MAN1A2: variants seen among roughly 807,000 people sequenced by gnomAD.
MAN1A2 encodes the protein mannosidase alpha class 1A member 2.
In MAN1A2, 26 loss-of-function variants were observed where a neutral mutation model predicts 75.7. The ratio of observed to expected loss-of-function variants is 0.34; its 90% CI spans 0.25 to 0.48. The LOEUF is 0.48. Among genes scored for constraint, MAN1A2 ranks in the 20% least tolerant of loss-of-function variants. The pLI is 0.99. For missense variants in MAN1A2, 562 were observed against 775.5 expected (o/e 0.72, Z 3.27); for synonymous variants, 247 against 264.6 (o/e 0.93, Z 0.65).
At chr1:117,406,453 T>A (rs1379348600) in intron 3 of MAN1A2, among the ~76,000 whole-genome samples, 1 of 152,116 alleles carries the variant, frequency 6.6e-6, no homozygotes, top group Non-Finnish European at 1.5e-5. Flanking sequence ...ACCATCACAG[T>A]AATTCAAATA....
At chr1:117,487,254 G>A (rs1290540) in intron 8 of MAN1A2, among the ~76,000 whole-genome samples, 21,498 of 151,962 alleles carry the variant, frequency 0.14, 1,742 homozygotes, top group South Asian at 0.22. Flanking sequence ...ACTTAGGACT[G>A]AAGAAGCAAT....
At chr1:117,401,830 T>C (rs532215823) in intron 1 of MAN1A2, among the ~76,000 whole-genome samples, 25 of 152,172 alleles carry the variant, frequency 1.6e-4, no homozygotes, top group Non-Finnish European at 2.9e-4. Context: ...TTTGGCCTTA[T>C]GTTTATATTT....
At chr1:117,475,201 C>A (rs1426253610) in intron 8 of MAN1A2, among the ~76,000 whole-genome samples, 6 of 151,858 alleles carry the variant, frequency 4.0e-5, no homozygotes, top group African/African-American at 1.4e-4. Context: ...CTGCTTTTAT[C>A]AAATAGTAGA....
intron 6 of MAN1A2, among the ~76,000 whole-genome samples, chr1:117,459,355 A>G (rs997680373): frequency 6.6e-6 from 1 of 152,204 alleles, no homozygotes; most frequent in Non-Finnish European, 1.5e-5. Flanking sequence ...CCCAGCAGAA[A>G]ATAGCAGAAG....
rs1207017034 is a variant in MAN1A2 at position 117,526,775 on chromosome 1, TAA to T, written c.*3819_*3820del. 2 of 149,324 alleles carry T rather than the reference TAA, an allele frequency of 1.3e-5. No homozygotes were observed. The highest frequency in any genetic ancestry group is 4.9e-5 in the African/African-American group (2 of 40,916). The allele number at this position is 149,324 out of a possible 1,614,324, so 9.2% of individuals were successfully genotyped here. On this transcript the variant is annotated 3_prime_UTR_variant, in exon 13 of 13. Coordinates refer to ENST00000356554, the MANE Select transcript of MAN1A2 (RefSeq NM_006699.5). ...CAAAGTTCCAAATAACAGTTCCTAG[TAA>T]TAGTATTTTGAGTTATTTTTCTTTA...
intron 3 of MAN1A2, among the ~76,000 whole-genome samples, chr1:117,411,414 C>G (rs920831969): frequency 8.6e-5 from 13 of 151,836 alleles, no homozygotes; most frequent in East Asian, 1.9e-4. Context: ...CTTCCTTCAA[C>G]ATTGTATAGA....
intron 12 of MAN1A2, among the ~76,000 whole-genome samples, chr1:117,514,090 C>CAGTG (rs1651630020): frequency 6.6e-6 from 1 of 152,110 alleles, no homozygotes; most frequent in Non-Finnish European, 1.5e-5. Context: ...AGGCTGGGCA[C>CAGTG]AGTGGCTCAT....
intron 5 of MAN1A2, among the ~76,000 whole-genome samples, chr1:117,430,145 A>C (rs1388002871): frequency 3.7e-5 from 3 of 80,300 alleles, no homozygotes; most frequent in Non-Finnish European, 7.4e-5. Context: ...CTCACTTCCC[A>C]GTAGGGGTGG....
rs759200994 is a variant in MAN1A2 at position 117,502,883 on chromosome 1, G to A, written c.1706G>A (p.Gly569Asp). 6.2e-7 allele frequency: 1 copy of A among 1,605,582 alleles called. No individual in the cohort carries two copies. The highest frequency in any genetic ancestry group is 8.5e-7 in the Non-Finnish European group (1 of 1,174,190). ...ATTGAAAAGTATTGCCGAGTTAATG[G>A]TGGGTTTTCTGGAGTCAAAGATGTA... ...LAIEKYCRVN[G>D]GFSGVKDVYS... is the part of the protein sequence containing the mutation. The change falls in exon 12 of 13, where the codon GGT (glycine) becomes GAT (aspartate). Residue 569 changes from glycine to aspartate, a missense_variant. By Grantham distance (94) the Gly-to-Asp change is moderately conservative. Around this residue, in one of 2 missense-constraint regions of MAN1A2, gnomAD observed 434 missense variants for 645.7 expected, o/e 0.67. Coordinates refer to ENST00000356554, the MANE Select transcript of MAN1A2 (RefSeq NM_006699.5).
chr1:117,460,460 G>A, intron 6 of MAN1A2, 29 bp from the exon 7 acceptor site: 1 of 1,565,108 alleles, frequency 6.4e-7, no homozygotes, highest in South Asian at 1.2e-5. Flanking sequence ...CCAATCCTGT[G>A]TCTCCTTTTA....
chr1:117,501,346 G>A (rs974496413), intron 11 of MAN1A2, among the ~76,000 whole-genome samples: 1 of 151,798 alleles, frequency 6.6e-6, no homozygotes, highest in Non-Finnish European at 1.5e-5. Flanking sequence ...GGAGGCAAAA[G>A]AGGCGGTGTC....
At chr1:117,401,966 T>A (rs1647443187) in intron 1 of MAN1A2, among the ~76,000 whole-genome samples, 1 of 152,188 alleles carries the variant, frequency 6.6e-6, no homozygotes, top group South Asian at 2.1e-4. Flanking sequence ...CTGGAAATTG[T>A]ATAAAGAGAT....
At chr1:117,395,696 T>C (rs1322590531) in intron 1 of MAN1A2, among the ~76,000 whole-genome samples, 1 of 152,196 alleles carries the variant, frequency 6.6e-6, no homozygotes, top group Non-Finnish European at 1.5e-5. Flanking sequence ...ACTTCAAATC[T>C]CATGAGAACT....
At chr1:117,416,081 G>A (rs1024037302) in intron 4 of MAN1A2, among the ~76,000 whole-genome samples, 4 of 151,934 alleles carry the variant, frequency 2.6e-5, no homozygotes, top group Admixed American at 2.6e-4. Flanking sequence ...AGGTTTTAAA[G>A]TTTTGCTTTT....
At chr1:117,504,876 C>T (rs1379168531) in intron 12 of MAN1A2, among the ~76,000 whole-genome samples, 2 of 151,440 alleles carry the variant, frequency 1.3e-5, no homozygotes, top group Non-Finnish European at 3.0e-5. Context: ...ACATTTTCAG[C>T]ATGAACATTA....
intron 8 of MAN1A2, among the ~76,000 whole-genome samples, chr1:117,487,984 T>C (rs536647185): frequency 6.6e-6 from 1 of 152,208 alleles, no homozygotes; most frequent in South Asian, 2.1e-4. Context: ...AATGTAAGTA[T>C]GATGAGTATG....
chr1:117,491,196 T>C (rs1035953760), intron 8 of MAN1A2, among the ~76,000 whole-genome samples: 1 of 152,110 alleles, frequency 6.6e-6, no homozygotes. Context: ...AGGTTTCTAC[T>C]GGAAGAAGAT....
At chr1:117,498,910 C>T (rs1651113066) in intron 10 of MAN1A2, among the ~76,000 whole-genome samples, 1 of 151,742 alleles carries the variant, frequency 6.6e-6, no homozygotes, top group South Asian at 2.1e-4. Context: ...TAATTATCTA[C>T]AACTAAATCA....
chr1:117,489,037 C>T (rs945231137), intron 8 of MAN1A2, among the ~76,000 whole-genome samples: 6 of 151,996 alleles, frequency 3.9e-5, no homozygotes, highest in Non-Finnish European at 7.4e-5. Context: ...TCCTTCTGCC[C>T]ACTCAACAGC....
Sources: allele counts gnomAD v4.1 joint callset (sites outside exome capture counted in the v4.1 genomes callset), GRCh38; gene constraint gnomAD v4.1.1; regional missense constraint gnomAD v4.1.1; transcripts MANE v1.5; gene names NCBI Gene and HGNC (gene_info 2026-07-23, HGNC 2026-07-21).